Variants in PLD5 observed in about 807,000 individuals in gnomAD.
PLD5 encodes the protein inactive phospholipase D5.
Under a neutral mutation model 61.1 loss-of-function variants are expected in PLD5, and 36 were observed. The observed-to-expected ratio is 0.59, with a 90% CI of 0.45 to 0.78. PLD5 has a LOEUF of 0.78. Among genes scored for constraint, PLD5 ranks in the 30% least tolerant of loss-of-function variants. PLD5 has a pLI of 0.00. For synonymous variants in PLD5, 243 were observed against 242.8 expected (o/e 1.00, Z -0.01); for missense variants, 515 against 644.4 (o/e 0.80, Z 2.17).
intron 3 of PLD5, among the ~76,000 whole-genome samples, chr1:242,267,307 T>G (rs1168774063): frequency 6.6e-6 from 1 of 152,152 alleles, no homozygotes; most frequent in African/African-American, 2.4e-5. Context: ...CAGGAGTATC[T>G]GGCACATCCA....
rs114066598 is a variant in PLD5 at position 242,232,830 on chromosome 1, G to A, written c.608-12715C>T. 3.5e-3 allele frequency among the ~76,000 whole-genome samples: 522 copies of A among 150,898 alleles called. 6 individuals carry two copies. The highest frequency in any genetic ancestry group is 0.012 in the African/African-American group (498 of 41,018). The stretch of plus-strand genomic sequence containing the variant: ...TGCACTCCAGCCTGCATGACAGAGT[G>A]AGACTCCATCTAAAATAAAATAAAC... On this transcript the variant is annotated intron_variant, in intron 4 of 9. Coordinates refer to ENST00000536534, the MANE Select transcript of PLD5 (RefSeq NM_001372062.1).
At chr1:242,207,451 A>AT (rs1386993224) in intron 5 of PLD5, among the ~76,000 whole-genome samples, 4 of 152,022 alleles carry the variant, frequency 2.6e-5, no homozygotes, top group Admixed American at 1.3e-4. Context: ...TCCCAAGCTT[A>AT]TTCTTGCCTT....
chr1:242,313,043 AG>A (rs1311024046), intron 2 of PLD5, among the ~76,000 whole-genome samples: 2 of 152,230 alleles, frequency 1.3e-5, no homozygotes, highest in Admixed American at 6.5e-5. Flanking sequence ...CCCACTACAC[AG>A]GGTTTTCCAG....
At chr1:242,499,014 T>G (rs1668467336) in intron 1 of PLD5, among the ~76,000 whole-genome samples, 1 of 152,224 alleles carries the variant, frequency 6.6e-6, no homozygotes, top group Admixed American at 6.5e-5. Flanking sequence ...ATGTTAATGT[T>G]TTGATGTATG....
intron 5 of PLD5, among the ~76,000 whole-genome samples, chr1:242,131,795 A>G (rs9803994): frequency 1.3e-3 from 202 of 151,284 alleles, no homozygotes; most frequent in African/African-American, 4.8e-3. Context: ...GAATTAGGAG[A>G]AGCACGTAAT....
Position 242,176,952 on chromosome 1 carries a change from T to C in PLD5, c.735+43036A>G, listed in dbSNP as rs182676090. ...AGATGCTGGAGAGGATGTGGACAAATAGGAAAGCTTGCACACTGTTGGTGG... is the reference window on the plus strand; with the variant it reads ...AGATGCTGGAGAGGATGTGGACAAACAGGAAAGCTTGCACACTGTTGGTGG... On this transcript the variant is annotated intron_variant, in intron 5 of 9. Transcript: ENST00000536534. 3.7e-3 allele frequency among the ~76,000 whole-genome samples: 567 copies of C among 152,270 alleles called. 7 individuals are homozygous for C. The highest frequency in any genetic ancestry group is 0.013 in the African/African-American group (533 of 41,568).
rs780592230 is a variant in PLD5, at chr1:242,524,011, G to C, written c.189+77C>G. 4.3e-5 allele frequency: 61 copies of C among 1,418,494 alleles called. No homozygotes were observed. The South Asian group carries it at 8.2e-4, about 19-fold the overall frequency. 87.9% of individuals were successfully genotyped at this position (1,418,494 alleles called of 1,614,324 possible). On this transcript the variant is annotated intron_variant, in intron 1 of 9. Coordinates refer to ENST00000536534, the MANE Select transcript of PLD5 (RefSeq NM_001372062.1). ...CTCGCCTGCCCCCCGCGCCCCGCGC[G>C]CGCTCATGCCACCACCACGGGGAGG... is the stretch of plus-strand genomic sequence containing the variant.
Position 242,302,549 on chromosome 1 carries a change from T to C in PLD5, c.327-14019A>G, listed in dbSNP as rs895005546. 3.4e-4 allele frequency among the ~76,000 whole-genome samples: 52 copies of C among 151,832 alleles called. 2 individuals are homozygous for C. In the South Asian group the frequency reaches 8.8e-3, roughly 26 times the overall value. On this transcript the variant is annotated intron_variant, in intron 2 of 9. Transcript: ENST00000536534. ...CCTGGTCAACACAGCAAGACCTGTC[T>C]CTACCAAAAAACTTTAAACATTAGC...
rs188305465 is a variant in PLD5 at position 242,281,990 on chromosome 1, T to G, written c.495+6372A>C. Among the ~76,000 whole-genome samples the G allele has an allele frequency of 4.8e-3, 724 of 152,290 alleles. 1 individual carries two copies. The highest frequency in any genetic ancestry group is 0.01 in the Middle Eastern group (3 of 294). On this transcript the variant is annotated intron_variant, in intron 3 of 9. Transcript: ENST00000536534. Reference sequence around the variant, plus strand: ...AGTCTCACGTTTGCAGAAACTCTAATCCCCTTCTAATTGTACACAGTAACC... The same window carrying G: ...AGTCTCACGTTTGCAGAAACTCTAAGCCCCTTCTAATTGTACACAGTAACC...
rs187452461 is a variant in PLD5, at chr1:242,121,029, A to G, written c.933+3439T>C. 6.7e-3 allele frequency among the ~76,000 whole-genome samples: 1,018 copies of G among 152,324 alleles called. 7 individuals are homozygous for G. Among genetic ancestry groups the G allele is most frequent in the South Asian group, 0.017 (82 of 4,826 alleles). On this transcript the variant is annotated intron_variant, in intron 6 of 9. Coordinates refer to ENST00000536534, the MANE Select transcript of PLD5 (RefSeq NM_001372062.1). The stretch of plus-strand genomic sequence containing the variant: ...TAAGGTCTTCAAATACTCTTTATGT[A>G]TGTGTTCAACTTAGTCTTGAGACAA...
At chr1:242,384,076 C>A (rs144637390) in intron 1 of PLD5, among the ~76,000 whole-genome samples, 93 of 152,290 alleles carry the variant, frequency 6.1e-4, no homozygotes, top group Middle Eastern at 3.4e-3. Context: ...CTTTAAGATT[C>A]CACTTTGCAA....
chr1:242,380,954 T>C (rs1662242079), intron 1 of PLD5, among the ~76,000 whole-genome samples: 1 of 152,188 alleles, frequency 6.6e-6, no homozygotes, highest in African/African-American at 2.4e-5. Context: ...TTGATGGGAA[T>C]ATAAATTAGT....
At chr1:242,376,130 C>T (rs1259049202) in intron 1 of PLD5, among the ~76,000 whole-genome samples, 1 of 152,188 alleles carries the variant, frequency 6.6e-6, no homozygotes. Context: ...GTTACTTTCC[C>T]TCCTTGTGCT....
chr1:242,267,953 A>C (rs955398644), intron 3 of PLD5, among the ~76,000 whole-genome samples: 1 of 151,650 alleles, frequency 6.6e-6, no homozygotes. Flanking sequence ...AGGCAACCAG[A>C]GAGACAGAGA....
chr1:242,521,265 T>C (rs565480333), intron 1 of PLD5, among the ~76,000 whole-genome samples: 1 of 152,224 alleles, frequency 6.6e-6, no homozygotes, highest in African/African-American at 2.4e-5. Context: ...ATTCCAATCC[T>C]CAACTAATTC....
chr1:242,381,867 G>A (rs1192784705), intron 1 of PLD5, among the ~76,000 whole-genome samples: 2 of 152,132 alleles, frequency 1.3e-5, no homozygotes, highest in African/African-American at 4.8e-5. Flanking sequence ...CTATTGCTCT[G>A]GCTGTTGGCA....
At chr1:242,474,534 G>A (rs1044594090) in intron 1 of PLD5, among the ~76,000 whole-genome samples, 15 of 152,130 alleles carry the variant, frequency 9.9e-5, no homozygotes, top group African/African-American at 3.6e-4. Flanking sequence ...TTGCAATAGA[G>A]CCTAAACTGG....
At chr1:242,280,137 G>A (rs1315745198) in intron 3 of PLD5, among the ~76,000 whole-genome samples, 1 of 152,118 alleles carries the variant, frequency 6.6e-6, no homozygotes, top group East Asian at 1.9e-4. Flanking sequence ...ATTTTATAGA[G>A]GGGTATAAAT....
chr1:242,188,767 G>C (rs747299651), intron 5 of PLD5: 2 of 152,198 alleles, frequency 1.3e-5, no homozygotes, highest in Non-Finnish European at 2.9e-5. Flanking sequence ...CGTTGCAGAA[G>C]GTTGTCCTCT....
Sources: allele counts gnomAD v4.1 joint callset (sites outside exome capture counted in the v4.1 genomes callset), GRCh38; gene constraint gnomAD v4.1.1; transcripts MANE v1.5; gene names NCBI Gene and HGNC (gene_info 2026-07-23, HGNC 2026-07-21).